ARID4B: variants seen among roughly 807,000 people sequenced by gnomAD.
ARID4B encodes AT-rich interactive domain-containing protein 4B.
A neutral mutation model predicts 147.5 loss-of-function variants in ARID4B; 26 were observed. That is an observed-to-expected ratio of 0.18 (90% CI 0.13 to 0.24). ARID4B has a LOEUF of 0.24. ARID4B is among the 10% of genes least tolerant of loss of function. The probability of loss-of-function intolerance (pLI) is 1.00; values close to 1 mark genes in which losing one functional copy is unlikely to be tolerated. For missense variants in ARID4B, 1,179 were observed against 1,511.5 expected (o/e 0.78, Z 3.65); for synonymous variants, 512 against 507.9 (o/e 1.01, Z -0.11).
intron 11 of ARID4B, among the ~76,000 whole-genome samples, chr1:235,226,027 T>TA (rs1194471849): frequency 1.3e-5 from 2 of 152,214 alleles, no homozygotes; most frequent in African/African-American, 4.8e-5. Context: ...GATGTTATCT[T>TA]AAATGTTCCC....
chr1:235,318,168 CTTTTTTTTT>C (rs372816686), intron 2 of ARID4B, among the ~76,000 whole-genome samples: 4 of 112,006 alleles, frequency 3.6e-5, no homozygotes, highest in East Asian at 4.4e-4. Flanking sequence ...CTTGCTACTC[CTTTTTTTTT>C]TTTTTTTTTT....
At chr1:235,178,154 A>T (rs1025198587) in intron 20 of ARID4B, among the ~76,000 whole-genome samples, 6 of 152,158 alleles carry the variant, frequency 3.9e-5, no homozygotes, top group Non-Finnish European at 8.8e-5. Context: ...ATCCTTCTTT[A>T]AAAAAATCAG....
chr1:235,227,014 A>G (rs374646418), intron 11 of ARID4B, among the ~76,000 whole-genome samples: 3 of 152,182 alleles, frequency 2.0e-5, no homozygotes, highest in South Asian at 2.1e-4. Context: ...TGCTTTCCTG[A>G]GGTGAGGGAG....
At chr1:235,238,942 A>G (rs1447965238) in intron 8 of ARID4B, among the ~76,000 whole-genome samples, 1 of 151,146 alleles carries the variant, frequency 6.6e-6, no homozygotes, top group Non-Finnish European at 1.5e-5. Context: ...CAATTCAGAC[A>G]TATCAAAATT....
At chr1:235,291,100 TAA>T (rs1164984081) in intron 2 of ARID4B, among the ~76,000 whole-genome samples, 2 of 152,188 alleles carry the variant, frequency 1.3e-5, no homozygotes, top group African/African-American at 4.8e-5. Flanking sequence ...AATTTGTTTC[TAA>T]AAGAAGAAAA....
intron 8 of ARID4B, among the ~76,000 whole-genome samples, chr1:235,236,833 A>ATATATATATATATATATATAT (rs1668597409): frequency 6.0e-5 from 2 of 33,522 alleles, no homozygotes; most frequent in African/African-American, 3.0e-4. Context: ...TTTTATAAAA[A>ATATATATATATATATATATAT]ATATATATAT....
intron 9 of ARID4B, 144 bp downstream of exon 9, chr1:235,234,267 AAC>A (rs1323682527): frequency 6.7e-6 from 4 of 598,186 alleles, no homozygotes; most frequent in Non-Finnish European, 1.2e-5. Context: ...TAATATGAAA[AAC>A]AGTGACTCTT....
In ARID4B at chr1:235,234,396, A is replaced by G; in HGVS notation, c.665+17T>C. On this transcript the variant is annotated intron_variant, in intron 9 of 23. Coordinates refer to ENST00000264183, the MANE Select transcript of ARID4B (RefSeq NM_016374.6). Reference sequence around the variant, plus strand: ...TATTTATAAACTGGTTTTTCAAACCAAGTAAATTATACTTACAATTTTCCA... The same window carrying G: ...TATTTATAAACTGGTTTTTCAAACCGAGTAAATTATACTTACAATTTTCCA... 1 of 1,536,864 alleles carries G rather than the reference A, an allele frequency of 6.5e-7. No homozygotes were observed.
At chr1:235,207,227 T>G (rs1666363661) in intron 17 of ARID4B, among the ~76,000 whole-genome samples, 1 of 152,184 alleles carries the variant, frequency 6.6e-6, no homozygotes, top group African/African-American at 2.4e-5. Flanking sequence ...GTTGGGGATG[T>G]GAAGACATAA....
chr1:235,191,247 TTTTTA>T (rs1462426479), intron 19 of ARID4B, among the ~76,000 whole-genome samples: 1 of 116,078 alleles, frequency 8.6e-6, no homozygotes, highest in Non-Finnish European at 1.9e-5. Context: ...TCACATATTC[TTTTTA>T]TTTTATTTTT....
At position 235,189,620 on chromosome 1, in the gene ARID4B, T is replaced by C. The variant is rs562561031; in HGVS notation, c.2125+4393A>G. On this transcript the variant is annotated intron_variant, in intron 19 of 23. Coordinates refer to ENST00000264183, the MANE Select transcript of ARID4B (RefSeq NM_016374.6). ...AAAGAAAGATAACAGCCAAGTGCAG[T>C]GTCATGCACCTATACCCCAGCTACC... is the stretch of plus-strand genomic sequence containing the variant. Among the ~76,000 whole-genome samples, 162 of 151,706 alleles carry C rather than the reference T, an allele frequency of 1.1e-3. 1 individual carries two copies. The highest frequency in any genetic ancestry group is 2.0e-3 in the Non-Finnish European group (135 of 67,916).
rs941926436 is a variant in ARID4B, at chr1:235,181,398, C to T, written c.3334+187G>A. The stretch of plus-strand genomic sequence containing the variant: ...ATGGCTCAAGCAAAGCACATTAAAG[C>T]CTTCTCAAGCTTTTAAATGCATTCC... On this transcript the variant is annotated intron_variant, in intron 20 of 23. Coordinates refer to ENST00000264183, the MANE Select transcript of ARID4B (RefSeq NM_016374.6). The T allele has an allele frequency of 6.8e-5, 56 of 821,908 alleles. No individual in the cohort carries two copies. In the African/African-American group the frequency reaches 7.8e-4, roughly 11 times the overall value. 50.9% of individuals were successfully genotyped at this position (821,908 alleles called of 1,614,324 possible).
chr1:235,285,676 T>C (rs1178906534), intron 2 of ARID4B, among the ~76,000 whole-genome samples: 1 of 152,182 alleles, frequency 6.6e-6, no homozygotes, highest in Non-Finnish European at 1.5e-5. Context: ...GACAACATGA[T>C]CCGCTACCAA....
intron 2 of ARID4B, among the ~76,000 whole-genome samples, chr1:235,321,793 C>G (rs150702980): frequency 6.6e-6 from 1 of 152,078 alleles, no homozygotes; most frequent in Non-Finnish European, 1.5e-5. Flanking sequence ...GCCACTGTGC[C>G]CGGCCCTGAA....
chr1:235,194,234 T>C (rs772814147), intron 18 of ARID4B, 23 bp from the exon 19 acceptor site: 2 of 1,518,892 alleles, frequency 1.3e-6, no homozygotes, highest in South Asian at 1.1e-5. Context: ...AAAAAGTATG[T>C]CGTAATTTAT....
At chr1:235,191,518 A>C (rs904148642) in intron 19 of ARID4B, among the ~76,000 whole-genome samples, 13 of 152,054 alleles carry the variant, frequency 8.5e-5, no homozygotes, top group Non-Finnish European at 1.9e-4. Flanking sequence ...GGCCTCCAAA[A>C]GTGCTGGGAT....
chr1:235,174,180 C>T (rs990269530), intron 22 of ARID4B, among the ~76,000 whole-genome samples: 1 of 151,916 alleles, frequency 6.6e-6, no homozygotes, highest in African/African-American at 2.4e-5. Flanking sequence ...GCTGGGACTA[C>T]AAGCGCGTGC....
At chr1:235,173,977 A>C (rs1663659518) in intron 22 of ARID4B, among the ~76,000 whole-genome samples, 1 of 150,556 alleles carries the variant, frequency 6.6e-6, no homozygotes, top group Admixed American at 6.6e-5. Context: ...CTGCACCCCT[A>C]TCCATTCCTC....
chr1:235,292,541 G>T (rs1162264730), intron 2 of ARID4B, among the ~76,000 whole-genome samples: 12 of 151,756 alleles, frequency 7.9e-5, no homozygotes, highest in African/African-American at 2.9e-4. Flanking sequence ...GCTTGAACCC[G>T]GGAGGCAGAG....
Sources: allele counts gnomAD v4.1 joint callset (sites outside exome capture counted in the v4.1 genomes callset), GRCh38; gene constraint gnomAD v4.1.1; transcripts MANE v1.5; gene names NCBI Gene and HGNC (gene_info 2026-07-23, HGNC 2026-07-21).